LRFN2: variants seen among roughly 807,000 people sequenced by gnomAD.
LRFN2 encodes leucine rich repeat and fibronectin type III domain containing 2.
LRFN2 carries 18 observed loss-of-function variants against 37.3 expected under a neutral mutation model. That is an observed-to-expected ratio of 0.48 (90% CI 0.33 to 0.72). The LOEUF (loss-of-function observed/expected upper bound fraction) is 0.72, where lower values mean the gene tolerates loss of function less well. Ranked by LOEUF, LRFN2 falls within the 30% of genes least tolerant of loss-of-function variation. The pLI is 0.02. For synonymous variants in LRFN2, 556 were observed against 466.6 expected (o/e 1.19, Z -2.47); for missense variants, 1,006 against 1,060.7 (o/e 0.95, Z 0.72).
At chr6:40,540,693 G>A (rs951358735) in intron 1 of LRFN2, among the ~76,000 whole-genome samples, 21 of 152,310 alleles carry the variant, frequency 1.4e-4, no homozygotes, top group Middle Eastern at 3.4e-3. Context: ...GGGGCCTTCT[G>A]CAGAGTATTA....
chr6:40,503,206 A>G (rs2113877726), intron 1 of LRFN2, among the ~76,000 whole-genome samples: 1 of 152,312 alleles, frequency 6.6e-6, no homozygotes, highest in Non-Finnish European at 1.5e-5. Context: ...TGGGGTTAGG[A>G]TGGCAGAGAG....
chr6:40,583,820 C>G (rs1429785842), intron 1 of LRFN2, among the ~76,000 whole-genome samples: 1 of 152,202 alleles, frequency 6.6e-6, no homozygotes, highest in Non-Finnish European at 1.5e-5. Context: ...CACAACATTC[C>G]TCTGAGGTCA....
intron 1 of LRFN2, among the ~76,000 whole-genome samples, chr6:40,505,028 A>G (rs1039217629): frequency 4.6e-5 from 7 of 152,218 alleles, no homozygotes; most frequent in African/African-American, 1.7e-4. Context: ...GGCAGAGGGC[A>G]GAGGTGAAGA....
At chr6:40,543,571 A>T (rs946073971) in intron 1 of LRFN2, among the ~76,000 whole-genome samples, 1 of 152,224 alleles carries the variant, frequency 6.6e-6, no homozygotes, top group Non-Finnish European at 1.5e-5. Context: ...CACCATGTTT[A>T]TAAATCTCTT....
intron 1 of LRFN2, among the ~76,000 whole-genome samples, chr6:40,557,718 A>C (rs1766916490): frequency 6.6e-6 from 1 of 152,164 alleles, no homozygotes; most frequent in Non-Finnish European, 1.5e-5. Flanking sequence ...TGGCCCTGCT[A>C]TGGGACCTCA....
At chr6:40,482,269 C>T (rs971743600) in intron 1 of LRFN2, among the ~76,000 whole-genome samples, 5 of 152,310 alleles carry the variant, frequency 3.3e-5, no homozygotes, top group South Asian at 2.1e-4. Flanking sequence ...CTTGGAAGGA[C>T]GTGAATAGAA....
chr6:40,509,383 G>A (rs1193592063), intron 1 of LRFN2, among the ~76,000 whole-genome samples: 2 of 152,254 alleles, frequency 1.3e-5, no homozygotes, highest in Non-Finnish European at 2.9e-5. Flanking sequence ...ATTTTTCCCA[G>A]AATGTGAGTC....
intron 1 of LRFN2, among the ~76,000 whole-genome samples, chr6:40,503,535 A>C (rs1765446640): frequency 6.6e-6 from 1 of 152,210 alleles, no homozygotes; most frequent in African/African-American, 2.4e-5. Flanking sequence ...GGGACTTTTA[A>C]GACATCCAAG....
intron 1 of LRFN2, among the ~76,000 whole-genome samples, chr6:40,436,538 T>C (rs1421857458): frequency 3.3e-5 from 5 of 151,988 alleles, no homozygotes; most frequent in Non-Finnish European, 7.4e-5. Flanking sequence ...TTAAAAGCCT[T>C]GGCCAAAGTG....
At position 40,392,288 on chromosome 6, in the gene LRFN2, G is replaced by A. The variant is rs2113788586; in HGVS notation, c.2025C>T (p.Asp675=). Residue 675 remains aspartate (D), a synonymous_variant, in exon 3 of 3, where the codon GAC becomes GAT. Coordinates refer to ENST00000338305, the MANE Select transcript of LRFN2 (RefSeq NM_020737.3). The surrounding 1 kb of genome is among the most constrained non-coding windows in gnomAD (Gnocchi z 4.7). ...LKSQRKEELL[D]SRTPAGRGAG... is the part of the protein sequence containing the mutation. ...CCCCTCTCCCGGCTGGAGTCCTGGA[G>A]TCCAGCAGCTCCTCCTTTCTCTGAC... The A allele has an allele frequency of 6.2e-7, 1 of 1,607,630 alleles. No individual in the cohort carries two copies. Among genetic ancestry groups the A allele is most frequent in the Non-Finnish European group, 8.5e-7 (1 of 1,177,532 alleles).
chr6:40,546,173 G>A (rs762967324), intron 1 of LRFN2, among the ~76,000 whole-genome samples: 3 of 152,092 alleles, frequency 2.0e-5, no homozygotes, highest in South Asian at 2.1e-4. Flanking sequence ...GCATGACAAC[G>A]CACAGTCAGC....
At chr6:40,574,772 C>T (rs1437195806) in intron 1 of LRFN2, among the ~76,000 whole-genome samples, 1 of 152,178 alleles carries the variant, frequency 6.6e-6, no homozygotes, top group African/African-American at 2.4e-5. Context: ...GCAAGCTTCA[C>T]TTCACAGCAG....
intron 1 of LRFN2, among the ~76,000 whole-genome samples, chr6:40,443,747 C>T (rs977190476): frequency 6.6e-6 from 1 of 152,078 alleles, no homozygotes; most frequent in African/African-American, 2.4e-5. Flanking sequence ...ATGAAGGGAC[C>T]ATTTAGAGAG....
At chr6:40,484,108 G>T (rs1320864052) in intron 1 of LRFN2, among the ~76,000 whole-genome samples, 1 of 152,210 alleles carries the variant, frequency 6.6e-6, no homozygotes, top group African/African-American at 2.4e-5. Flanking sequence ...CCAGGAGCTA[G>T]CTATGCCCTT....
At chr6:40,399,200 G>A (rs1052875191) in intron 2 of LRFN2, among the ~76,000 whole-genome samples, 1 of 151,710 alleles carries the variant, frequency 6.6e-6, no homozygotes, top group Non-Finnish European at 1.5e-5. Flanking sequence ...GACACATTAG[G>A]ATCTTAGTCA....
chr6:40,452,934 C>T (rs114357939), intron 1 of LRFN2, among the ~76,000 whole-genome samples: 24 of 152,290 alleles, frequency 1.6e-4, no homozygotes, highest in African/African-American at 5.5e-4. Context: ...ATCACACTAG[C>T]CCCCTAGGGC....
At chr6:40,502,568 G>A (rs748231545) in intron 1 of LRFN2, among the ~76,000 whole-genome samples, 3 of 152,228 alleles carry the variant, frequency 2.0e-5, no homozygotes, top group Non-Finnish European at 4.4e-5. Flanking sequence ...TTCCTGGAAC[G>A]ATGGGGAATT....
At chr6:40,429,811 T>G (rs570512879) in intron 2 of LRFN2, among the ~76,000 whole-genome samples, 10 of 152,318 alleles carry the variant, frequency 6.6e-5, no homozygotes, top group African/African-American at 2.4e-4. Context: ...AGGAGATTAG[T>G]TAAATAAATT....
At chr6:40,421,926 C>T (rs1763237744) in intron 2 of LRFN2, among the ~76,000 whole-genome samples, 1 of 152,202 alleles carries the variant, frequency 6.6e-6, no homozygotes, top group Non-Finnish European at 1.5e-5. Flanking sequence ...TCCAATGTTA[C>T]AACAACCTGG....
Sources: gnomAD v4.1 joint callset for allele counts (sites outside exome capture counted in the v4.1 genomes callset) on GRCh38, gnomAD v4.1.1 for gene constraint, Gnocchi (gnomAD v3.1) non-coding constraint, MANE v1.5 for transcripts, NCBI Gene and HGNC (gene_info 2026-07-23, HGNC 2026-07-21) for gene names.